PIK3CG: variants seen among roughly 807,000 people sequenced by gnomAD.
PIK3CG encodes phosphatidylinositol-4,5-bisphosphate 3-kinase catalytic subunit gamma.
PIK3CG carries 55 observed loss-of-function variants against 102.3 expected under a neutral mutation model. That is an observed-to-expected ratio of 0.54 (90% confidence interval 0.43 to 0.67). The LOEUF is 0.67. PIK3CG is among the 30% of genes least tolerant of loss of function. The pLI, the probability that PIK3CG is intolerant of heterozygous loss-of-function variation, is 0.00. For missense variants in PIK3CG, 1,258 were observed against 1,391.8 expected, an observed-to-expected ratio of 0.90 and a Z score of 1.53; for synonymous variants, 552 against 540.0, an observed-to-expected ratio of 1.02 and a Z score of -0.31.
In PIK3CG at chr7:106,886,231, A is replaced by G. The variant is rs1200587068; in HGVS notation, c.2969A>G (p.Asp990Gly). 6.2e-7 allele frequency: 1 copy of G among 1,614,020 alleles called. No homozygotes were observed. Among genetic ancestry groups the G allele is most frequent in the Non-Finnish European group, 8.5e-7 (1 of 1,180,022 alleles). ...AGAGTGCCATTTGTGCTAACCCCTG[A>G]CTTCCTCTTTGTGATGGGAACTTCT... ...KERVPFVLTP[D>G]FLFVMGTSGK... The change falls in exon 10 of 11, where the codon GAC (aspartate) becomes GGC (glycine). Residue 990 changes from aspartate (D) to glycine (G), a missense_variant. This residue lies in a region of PIK3CG where 426 missense variants were observed against 604.2 expected (regional missense o/e 0.71). Transcript: ENST00000496166.
chr7:106,882,165 T>C lies in PIK3CG; in HGVS notation c.2587T>C (p.Cys863Arg), dbSNP rs1488506677. 1 of 1,580,190 alleles carries C rather than the reference T, an allele frequency of 6.3e-7. No homozygotes were observed. Among genetic ancestry groups the C allele is most frequent in the African/African-American group, 1.4e-5 (1 of 73,318 alleles). ...SIWETESLDLCLLPYGCISTG... is the reference protein window; with the variant it reads ...SIWETESLDLRLLPYGCISTG... ...TTGGGAGACTGAATCTTTGGATCTA[T>C]GCCTCCTGCCATATGGTTGCATTTC... The change falls in exon 7 of 11, where the codon TGC (cysteine) becomes CGC (arginine). Residue 863 changes from cysteine (C) to arginine (R), a missense_variant. Physicochemically the swap from Cys to Arg is radical, Grantham distance 180 (BLOSUM62 -3). Transcript: ENST00000496166.
rs111410970 is a variant in PIK3CG, at chr7:106,869,955, G to C, written c.1995+399G>C. On this transcript the variant is annotated intron_variant, in intron 2 of 10. Coordinates refer to ENST00000496166, the MANE Select transcript of PIK3CG (RefSeq NM_001282426.2). The surrounding 1 kb of genome is among the most constrained non-coding windows in gnomAD (Gnocchi z 5.3). ...TATGATGGAGGTCAAATTGACATTT[G>C]CACTTTTTACATGAGGAAACTGAGG... is the stretch of plus-strand genomic sequence containing the variant. Among the ~76,000 whole-genome samples the C allele has an allele frequency of 1.2e-3, 184 of 152,212 alleles. No individual in the cohort carries two copies. The highest frequency in any genetic ancestry group is 4.3e-3 in the African/African-American group (177 of 41,522).
At chr7:106,886,106 A>T (rs28763993) in intron 9 of PIK3CG, 29 bp from the exon 10 acceptor site, 7 of 1,604,222 alleles carry the variant, frequency 4.4e-6, no homozygotes, top group Non-Finnish European at 6.0e-6. Flanking sequence ...GTGCCACTGT[A>T]ATGATGTCAG....
intron 10 of PIK3CG, among the ~76,000 whole-genome samples, chr7:106,898,196 G>A (rs1411555766): frequency 6.6e-6 from 1 of 152,110 alleles, no homozygotes; most frequent in African/African-American, 2.4e-5. Flanking sequence ...AGAAGTATCT[G>A]TTTGAGTCCT....
Position 106,902,923 on chromosome 7 carries a change from T to C in PIK3CG, c.3031-2186T>C, listed in dbSNP as rs1435637732. On this transcript the variant is annotated intron_variant, in intron 10 of 10. Transcript: ENST00000496166. This position sits in a 1 kb window ranked among gnomAD's most constrained non-coding sequence, Gnocchi z 4.3. ...ATAAAGTCCTTTCCCACTCCATGATTATTTAAATGTTTTCCCTTTTTAAAT... is the reference window on the plus strand; with the variant it reads ...ATAAAGTCCTTTCCCACTCCATGATCATTTAAATGTTTTCCCTTTTTAAAT... Among the ~76,000 whole-genome samples the C allele has an allele frequency of 6.6e-6, 1 of 152,204 alleles. No individual in the cohort carries two copies. The highest frequency in any genetic ancestry group is 1.5e-5 in the Non-Finnish European group (1 of 68,034).
chr7:106,868,317 G>T lies in PIK3CG; in HGVS notation c.756G>T (p.Met252Ile), dbSNP rs1412335442. ...GAILQSFFTK[M>I]AKKKSLMDIP... ...TCCTGCAGAGCTTCTTCACCAAGAT[G>T]GCCAAGAAGAAATCTCTGATGGATA... The change falls in exon 2 of 11, where the codon ATG becomes ATT. Residue 252 changes from methionine (M) to isoleucine (I), a missense_variant. Met to Ile is a conservative substitution (Grantham distance 10). Around this residue, in one of 2 missense-constraint regions of PIK3CG, gnomAD observed 832 missense variants for 787.5 expected, o/e 1.06. Transcript: ENST00000496166. The surrounding 1 kb of genome is among the most constrained non-coding windows in gnomAD (Gnocchi z 6.2). 6.2e-7 allele frequency: 1 copy of T among 1,614,118 alleles called. No individual in the cohort carries two copies. Among genetic ancestry groups the T allele is most frequent in the African/African-American group, 1.3e-5 (1 of 74,952 alleles).
At chr7:106,873,915 G>T (rs1397512590) in intron 4 of PIK3CG, among the ~76,000 whole-genome samples, 1 of 151,950 alleles carries the variant, frequency 6.6e-6, no homozygotes, top group Non-Finnish European at 1.5e-5. Context: ...ATATCTTCCT[G>T]GTCTGGTAAA....
rs1249953024 is a variant in PIK3CG, at chr7:106,903,565, G to A, written c.3031-1544G>A. Among the ~76,000 whole-genome samples the A allele has an allele frequency of 6.6e-6, 1 of 151,642 alleles. No homozygotes were observed. The highest frequency in any genetic ancestry group is 1.9e-4 in the East Asian group (1 of 5,188). ...GAATCATGTTATTGTTGTTACCATT[G>A]ATTTTAGCATCTGTTTTTGCATTTT... On this transcript the variant is annotated intron_variant, in intron 10 of 10. Transcript: ENST00000496166. This position sits in a 1 kb window ranked among gnomAD's most constrained non-coding sequence, Gnocchi z 4.3.
At position 106,877,978 on chromosome 7, in the gene PIK3CG, A is replaced by G. The variant is rs777634939; in HGVS notation, c.2392-1541A>G. ...TTAATAGATGAAATAATTTTTAACT[A>G]TTCACCTACATATTTACCATTTTTG... is the stretch of plus-strand genomic sequence containing the variant. On this transcript the variant is annotated intron_variant, in intron 5 of 10. Transcript: ENST00000496166. This position sits in a 1 kb window ranked among gnomAD's most constrained non-coding sequence, Gnocchi z 4.5. 3.9e-5 allele frequency among the ~76,000 whole-genome samples: 6 copies of G among 152,194 alleles called. No homozygotes were observed. The highest frequency in any genetic ancestry group is 7.3e-5 in the Non-Finnish European group (5 of 68,036).
chr7:106,884,283 C>T lies in PIK3CG; in HGVS notation c.2872+17C>T, dbSNP rs2116552795. The T allele has an allele frequency of 1.3e-6, 2 of 1,482,000 alleles. No individual in the cohort carries two copies. Among genetic ancestry groups the T allele is most frequent in the Middle Eastern group, 3.5e-4 (2 of 5,776 alleles). The allele number at this position is 1,482,000 out of a possible 1,614,324, so 91.8% of individuals were successfully genotyped here. A position where few individuals can be genotyped will look rare whatever the true frequency, so the allele number is the denominator to read the frequency against. On this transcript the variant is annotated intron_variant, in intron 9 of 10. Coordinates refer to ENST00000496166, the MANE Select transcript of PIK3CG (RefSeq NM_001282426.2). The surrounding 1 kb of genome is among the most constrained non-coding windows in gnomAD (Gnocchi z 4.2). The stretch of plus-strand genomic sequence containing the variant: ...CCGAGACAGGTGAGTTTATTTAGTG[C>T]AGAATAAACTTTTATTGTGGTAAAA...
Position 106,890,900 on chromosome 7 carries a change from G to T in PIK3CG, c.3030+4608G>T, listed in dbSNP as rs142741381. Among the ~76,000 whole-genome samples the T allele has an allele frequency of 2.7e-4, 41 of 152,326 alleles. No homozygotes were observed. Among genetic ancestry groups the T allele is most frequent in the African/African-American group, 9.4e-4 (39 of 41,564 alleles). ...CTACCCACTGCTTTCTTCCCAGAATGCTCTGTGCTGCCCTGTGGTCTCAGC... is the reference window on the plus strand; with the variant it reads ...CTACCCACTGCTTTCTTCCCAGAATTCTCTGTGCTGCCCTGTGGTCTCAGC... On this transcript the variant is annotated intron_variant, in intron 10 of 10. Coordinates refer to ENST00000496166, the MANE Select transcript of PIK3CG (RefSeq NM_001282426.2). This position sits in a 1 kb window ranked among gnomAD's most constrained non-coding sequence, Gnocchi z 4.2.
chr7:106,867,593 T>G lies in PIK3CG; in HGVS notation c.32T>G (p.Val11Gly), dbSNP rs1273593548. 2 of 1,600,742 alleles carry G rather than the reference T, an allele frequency of 1.2e-6. 1 individual carries two copies. Among genetic ancestry groups the G allele is most frequent in the South Asian group, 2.2e-5 (2 of 89,930 alleles). ...CTGGAGAACTATAAACAGCCCGTGG[T>G]GCTGAGAGAGGACAACTGCCGAAGG... is the stretch of plus-strand genomic sequence containing the variant. MELENYKQPVVLREDNCRRRR... is the reference protein window; with the variant it reads MELENYKQPVGLREDNCRRRR... Residue 11 changes from valine (V) to glycine (G), a missense_variant, in exon 2 of 11, where the codon GTG becomes GGG. Transcript: ENST00000496166. The surrounding 1 kb of genome is among the most constrained non-coding windows in gnomAD (Gnocchi z 5.1).
intron 10 of PIK3CG, 28 bp downstream of exon 10, chr7:106,886,320 A>T (rs2116563378): frequency 6.2e-7 from 1 of 1,612,260 alleles, no homozygotes; most frequent in Non-Finnish European, 8.5e-7. Context: ...TCGCCTGCTG[A>T]GAATAGCACC....
intron 1 of PIK3CG, among the ~76,000 whole-genome samples, chr7:106,866,289 T>A (rs946038139): frequency 1.3e-5 from 2 of 152,242 alleles, no homozygotes; most frequent in African/African-American, 4.8e-5. Context: ...TGTATTACAA[T>A]GTAGTGATAC....
rs1167836766 is a variant in PIK3CG at position 106,899,849 on chromosome 7, A to G, written c.3031-5260A>G. 6.6e-6 allele frequency among the ~76,000 whole-genome samples: 1 copy of G among 152,200 alleles called. No homozygotes were observed. Among genetic ancestry groups the G allele is most frequent in the African/African-American group, 2.4e-5 (1 of 41,454 alleles). ...TTGTGTGTTTCTGCCAGGTTTTGGT[A>G]TCAAGATGATGCTGCTCTCATAGAA... On this transcript the variant is annotated intron_variant, in intron 10 of 10. Coordinates refer to ENST00000496166, the MANE Select transcript of PIK3CG (RefSeq NM_001282426.2). This position sits in a 1 kb window ranked among gnomAD's most constrained non-coding sequence, Gnocchi z 4.6.
At position 106,897,897 on chromosome 7, in the gene PIK3CG, A is replaced by G. The variant is rs1791449023; in HGVS notation, c.3031-7212A>G. On this transcript the variant is annotated intron_variant, in intron 10 of 10. Transcript: ENST00000496166. This position sits in a 1 kb window ranked among gnomAD's most constrained non-coding sequence, Gnocchi z 4.6. ...TTTCTATTCCTCTGGGTATATACCCAGTAATGGGATTTCTGGATCAAAATG... is the reference window on the plus strand; with the variant it reads ...TTTCTATTCCTCTGGGTATATACCCGGTAATGGGATTTCTGGATCAAAATG... 6.6e-6 allele frequency among the ~76,000 whole-genome samples: 1 copy of G among 152,242 alleles called. No individual in the cohort carries two copies. The highest frequency in any genetic ancestry group is 1.5e-5 in the Non-Finnish European group (1 of 68,046).
rs967113567 is a variant in PIK3CG at position 106,892,732 on chromosome 7, A to G, written c.3030+6440A>G. ...TCCACAGTGGTTTGCAGAGGGAGCAATTAATCCTGCCCTAGAGGATAGAAA... is the reference window on the plus strand; with the variant it reads ...TCCACAGTGGTTTGCAGAGGGAGCAGTTAATCCTGCCCTAGAGGATAGAAA... On this transcript the variant is annotated intron_variant, in intron 10 of 10. Coordinates refer to ENST00000496166, the MANE Select transcript of PIK3CG (RefSeq NM_001282426.2). This position sits in a 1 kb window ranked among gnomAD's most constrained non-coding sequence, Gnocchi z 5.2. Among the ~76,000 whole-genome samples the G allele has an allele frequency of 1.3e-5, 2 of 152,192 alleles. No individual in the cohort carries two copies. Among genetic ancestry groups the G allele is most frequent in the Admixed American group, 6.5e-5 (1 of 15,274 alleles).
chr7:106,878,078 A>G (rs1790815463), intron 5 of PIK3CG, among the ~76,000 whole-genome samples: 1 of 152,222 alleles, frequency 6.6e-6, no homozygotes, highest in South Asian at 2.1e-4. Flanking sequence ...GTTTGCTGAC[A>G]ATAAATTCTT....
In PIK3CG at chr7:106,868,089, G is replaced by C. The variant is rs369976624; in HGVS notation, c.528G>C (p.Thr176=). The stretch of plus-strand genomic sequence containing the variant: ...TGCACGACGATGAGCTGGAGTTCAC[G>C]CGCCGTGGCTTGGTGACCCCGCGCA... ...SNVHDDELEF[T]RRGLVTPRMA... is the part of the protein sequence containing the mutation. Residue 176 remains threonine, a synonymous_variant, in exon 2 of 11, where the codon ACG becomes ACC. Coordinates refer to ENST00000496166, the MANE Select transcript of PIK3CG (RefSeq NM_001282426.2). This position sits in a 1 kb window ranked among gnomAD's most constrained non-coding sequence, Gnocchi z 6.2. 1.4e-5 allele frequency: 23 copies of C among 1,612,888 alleles called. No homozygotes were observed. The African/African-American group carries it at 2.1e-4, about 15-fold the overall frequency.
Sources: gnomAD v4.1 joint callset for allele counts (sites outside exome capture counted in the v4.1 genomes callset) on GRCh38, gnomAD v4.1.1 for gene constraint, gnomAD v4.1.1 regional missense constraint, Gnocchi (gnomAD v3.1) non-coding constraint, MANE v1.5 for transcripts, NCBI Gene and HGNC (gene_info 2026-07-23, HGNC 2026-07-21) for gene names.